Variants in WBP4 observed in about 807,000 individuals in gnomAD.
The protein encoded by WBP4 is WW domain binding protein 4, also known as WW domain-binding protein 4.
In WBP4, 37 loss-of-function variants were observed where a neutral mutation model predicts 55.4. The ratio of observed to expected loss-of-function variants is 0.67; its 90% confidence interval spans 0.51 to 0.88. The LOEUF (loss-of-function observed/expected upper bound fraction) is 0.88, where lower values mean the gene tolerates loss of function less well. Ranked by LOEUF, WBP4 falls within the 40% of genes least tolerant of loss-of-function variation. The probability of loss-of-function intolerance (pLI) is 0.00; values close to 1 mark genes in which losing one functional copy is unlikely to be tolerated. For synonymous variants in WBP4, 142 were observed against 140.2 expected (o/e 1.01, Z -0.09); for missense variants, 398 against 420.8 (o/e 0.95, Z 0.47).
At position 41,076,085 on chromosome 13, in the gene WBP4, A is replaced by G. The variant is rs773112515; in HGVS notation, c.604A>G (p.Ser202Gly). The change falls in exon 8 of 10, where the codon AGT becomes GGT. Residue 202 changes from serine (S) to glycine (G), a missense_variant. Coordinates refer to ENST00000379487, the MANE Select transcript of WBP4 (RefSeq NM_007187.5). Reference protein sequence around the residue: ...EKPDDFIPHTSDLPSSKVNEN... With the variant: ...EKPDDFIPHTGDLPSSKVNEN... ...ACCTGATGATTTCATTCCACACACT[A>G]GTGATCTGCCTTCTAGTAAGGTCAA... The G allele has an allele frequency of 4.3e-6, 7 of 1,613,756 alleles. No homozygotes were observed. The highest frequency in any genetic ancestry group is 5.1e-6 in the Non-Finnish European group (6 of 1,179,960).
intron 7 of WBP4, 122 bp from the exon 8 acceptor site, chr13:41,075,920 AAG>A: frequency 9.6e-7 from 1 of 1,047,102 alleles, no homozygotes; most frequent in Non-Finnish European, 1.4e-6. Flanking sequence ...CTTCTTGATC[AAG>A]AGATAGTATG....
intron 7 of WBP4, among the ~76,000 whole-genome samples, chr13:41,073,348 CTGTT>C (rs1878332902): frequency 6.6e-6 from 1 of 152,000 alleles, no homozygotes; most frequent in African/African-American, 2.4e-5. Flanking sequence ...AACCCTGTCT[CTGTT>C]AAATACAAAC....
chr13:41,068,626 C>CAGAAAGAAA lies in WBP4; in HGVS notation c.342_350dup (p.Glu115_Lys117dup), dbSNP rs534571354. On this transcript the variant is annotated inframe_insertion, in exon 5 of 10. Transcript: ENST00000379487. ...CCCACCTACCTCGACATCAAATCAA[C>CAGAAAGAAA]AGAAAGAAAAGAAAGAAAAGAAGAA... The CAGAAAGAAA allele has an allele frequency of 6.2e-7, 1 of 1,613,006 alleles. No homozygotes were observed. Among genetic ancestry groups the CAGAAAGAAA allele is most frequent in the Non-Finnish European group, 8.5e-7 (1 of 1,179,634 alleles).
chr13:41,061,580 G>T lies in WBP4; in HGVS notation c.-94G>T. The stretch of plus-strand genomic sequence containing the variant: ...TCTGGATCGGAGGGAGGTTCGGGTG[G>T]GCATCGGGCGGCTGGAAGAGCTCGA... On this transcript the variant is annotated 5_prime_UTR_variant, in exon 1 of 10. Transcript: ENST00000379487. The T allele has an allele frequency of 6.3e-7, 1 of 1,595,422 alleles. No individual in the cohort carries two copies.
At chr13:41,063,663 G>T (rs531158047) in intron 2 of WBP4, among the ~76,000 whole-genome samples, 5 of 152,170 alleles carry the variant, frequency 3.3e-5, no homozygotes, top group East Asian at 1.9e-4. Context: ...ATCCCTTCCA[G>T]TGTAGTCTGT....
chr13:41,061,773 G>C, intron 1 of WBP4, 98 bp downstream of exon 1: 1 of 1,577,742 alleles, frequency 6.3e-7, no homozygotes. Context: ...CCCTTCGGCC[G>C]GGGGCGTGAC....
intron 8 of WBP4, among the ~76,000 whole-genome samples, chr13:41,077,922 A>C (rs183462455): frequency 6.6e-6 from 1 of 152,176 alleles, no homozygotes; most frequent in Non-Finnish European, 1.5e-5. Context: ...AAATCTCGGA[A>C]TACATTTAAC....
intron 9 of WBP4, 137 bp from the exon 10 acceptor site, chr13:41,082,567 G>A (rs1252109785): frequency 1.5e-6 from 1 of 669,036 alleles, no homozygotes; most frequent in Non-Finnish European, 2.5e-6. Context: ...ATATTGTAAA[G>A]TCAGTATTTT....
chr13:41,073,967 A>G (rs550117782), intron 7 of WBP4, among the ~76,000 whole-genome samples: 32 of 147,540 alleles, frequency 2.2e-4, no homozygotes, highest in African/African-American at 7.5e-4. Flanking sequence ...GAGTCTTGCT[A>G]TCGTCCAGGC....
At chr13:41,064,053 C>T (rs1877830599) in intron 2 of WBP4, among the ~76,000 whole-genome samples, 1 of 151,778 alleles carries the variant, frequency 6.6e-6, no homozygotes, top group Non-Finnish European at 1.5e-5. Flanking sequence ...GGCCATCACT[C>T]CCCATAGGTT....
chr13:41,064,007 C>T (rs554296455), intron 2 of WBP4, among the ~76,000 whole-genome samples: 29 of 151,606 alleles, frequency 1.9e-4, no homozygotes, highest in African/African-American at 5.1e-4. Flanking sequence ...TAGATAATTG[C>T]GCTCACTCAC....
At chr13:41,066,012 CAGTTA>C (rs1490533595) in intron 4 of WBP4, among the ~76,000 whole-genome samples, 1 of 152,094 alleles carries the variant, frequency 6.6e-6, no homozygotes, top group African/African-American at 2.4e-5. Flanking sequence ...AGCAGAGTAC[CAGTTA>C]AGTTAATTGG....
intron 8 of WBP4, among the ~76,000 whole-genome samples, chr13:41,076,561 G>A (rs559671114): frequency 7.9e-5 from 12 of 152,144 alleles, no homozygotes; most frequent in Admixed American, 4.6e-4. Context: ...GATTACAGGC[G>A]TGCGTCACCA....
rs760294768 is a variant in WBP4 at position 41,068,552 on chromosome 13, T to C, written c.263-9T>C. The C allele has an allele frequency of 3.0e-5, 48 of 1,583,918 alleles. No homozygotes were observed. The Middle Eastern group carries it at 8.4e-4, about 28-fold the overall frequency. On this transcript the variant is annotated splice_polypyrimidine_tract_variant and intron_variant, in intron 4 of 9. Coordinates refer to ENST00000379487, the MANE Select transcript of WBP4 (RefSeq NM_007187.5). The stretch of plus-strand genomic sequence containing the variant: ...CTATAGCTGCTTTACCCTTCTCTCA[T>C]CTCTTTAGAAATTTTGGAGCCAAGC...
At chr13:41,061,765 C>T in intron 1 of WBP4, 90 bp downstream of exon 1, 2 of 1,593,440 alleles carry the variant, frequency 1.3e-6, no homozygotes, top group East Asian at 2.2e-5. Flanking sequence ...TCCTCCCGCC[C>T]TTCGGCCGGG....
At chr13:41,080,245 C>T (rs1002273094) in intron 8 of WBP4, among the ~76,000 whole-genome samples, 8 of 152,100 alleles carry the variant, frequency 5.3e-5, no homozygotes, top group African/African-American at 1.9e-4. Context: ...AAAAAAATTA[C>T]AAAATACAGG....
rs1041315630 is a variant in WBP4 at position 41,083,091 on chromosome 13, T to C, written c.*177T>C. The C allele has an allele frequency of 9.3e-6, 6 of 647,766 alleles. No individual in the cohort carries two copies. The highest frequency in any genetic ancestry group is 1.5e-5 in the Non-Finnish European group (6 of 396,160). 40.1% of individuals were successfully genotyped at this position (647,766 alleles called of 1,614,324 possible). On this transcript the variant is annotated 3_prime_UTR_variant, in exon 10 of 10. Transcript: ENST00000379487. ...GTGAAATTTATTTTGGTTCCTAAAA[T>C]GGAAGCCTACCACATTGCATTGTAA... is the stretch of plus-strand genomic sequence containing the variant.
chr13:41,065,263 T>C lies in WBP4; in HGVS notation c.238T>C (p.Leu80=). 1 of 1,589,740 alleles carries C rather than the reference T, an allele frequency of 6.3e-7. No individual in the cohort carries two copies. Among genetic ancestry groups the C allele is most frequent in the East Asian group, 2.2e-5 (1 of 44,506 alleles). The change falls in exon 4 of 10, where the codon TTG becomes CTG. Residue 80 remains leucine (L), a synonymous_variant. Transcript: ENST00000379487. ...AAALKAYQED[L]KRLGLESEIL... ...TGCCCTGAAAGCATACCAAGAGGAT[T>C]TGAAAAGACTTGGCTTAGAGTCAGG...
At chr13:41,079,959 TAACTC>T (rs1326601788) in intron 8 of WBP4, among the ~76,000 whole-genome samples, 1 of 149,868 alleles carries the variant, frequency 6.7e-6, no homozygotes, top group Non-Finnish European at 1.5e-5. Flanking sequence ...CTAAGTGAAA[TAACTC>T]AAAGTCAAAT....
Sources: allele counts gnomAD v4.1 joint callset (sites outside exome capture counted in the v4.1 genomes callset), GRCh38; gene constraint gnomAD v4.1.1; transcripts MANE v1.5; gene names NCBI Gene and HGNC (gene_info 2026-07-23, HGNC 2026-07-21).